FRY: variants seen among roughly 807,000 people sequenced by gnomAD.
FRY encodes the protein FRY microtubule binding protein, also known as protein furry homolog.
In FRY, 128 loss-of-function variants were observed where a neutral mutation model predicts 348.4. The ratio of observed to expected loss-of-function variants is 0.37; its 90% CI spans 0.32 to 0.43. The LOEUF is 0.43. Among genes scored for constraint, FRY ranks in the 20% least tolerant of loss-of-function variants. FRY has a pLI of 1.00. For missense variants in FRY, 2,736 were observed against 3,695.2 expected (o/e 0.74, Z 6.73); for synonymous variants, 1,370 against 1,374.7 (o/e 1.00, Z 0.08).
In FRY at chr13:32,226,051, C is replaced by T; in HGVS notation, c.5206+77C>T. ...AACTAACTGCGGGTGCCAGTGGAGC[C>T]CAAGTTAACTTCTCTCATGCTATGA... On this transcript the variant is annotated intron_variant, in intron 39 of 60. Coordinates refer to ENST00000542859, the MANE Select transcript of FRY (RefSeq NM_023037.3). The T allele has an allele frequency of 4.7e-6, 6 of 1,264,414 alleles. No individual in the cohort carries two copies. The South Asian group carries it at 4.9e-5, about 10-fold the overall frequency. The allele number at this position is 1,264,414 out of a possible 1,614,324, so 78.3% of individuals were successfully genotyped here. A position where few individuals can be genotyped will look rare whatever the true frequency, so the allele number is the denominator to read the frequency against.
intron 52 of FRY, 121 bp from the exon 53 acceptor site, chr13:32,262,193 A>G (rs576497346): frequency 5.1e-6 from 4 of 780,514 alleles, no homozygotes; most frequent in South Asian, 2.9e-5. Flanking sequence ...TTAAGGCCCA[A>G]TAATGGTGAA....
At chr13:32,217,087 T>C (rs956005798) in intron 35 of FRY, among the ~76,000 whole-genome samples, 1 of 152,284 alleles carries the variant, frequency 6.6e-6, no homozygotes. Flanking sequence ...TCTCCACACA[T>C]TAGTAAGGAC....
At chr13:32,261,001 C>T (rs960522563) in intron 51 of FRY, among the ~76,000 whole-genome samples, 1 of 152,198 alleles carries the variant, frequency 6.6e-6, no homozygotes, top group African/African-American at 2.4e-5. Context: ...GAGCCTAAAG[C>T]AAAAGTTAAG....
chr13:32,052,757 C>T (rs1873403229), intron 1 of FRY, among the ~76,000 whole-genome samples: 3 of 152,128 alleles, frequency 2.0e-5, no homozygotes, highest in African/African-American at 4.8e-5. Context: ...TAAAACATTT[C>T]CAATAACTGA....
chr13:32,228,424 T>C, intron 39 of FRY, 32 bp from the exon 40 acceptor site: 1 of 1,528,456 alleles, frequency 6.5e-7, no homozygotes, highest in East Asian at 2.2e-5. Flanking sequence ...CACTGCCTAG[T>C]ACATCCCTCC....
chr13:32,226,067 C>A, intron 39 of FRY, 93 bp downstream of exon 39: 1 of 1,028,182 alleles, frequency 9.7e-7, no homozygotes, highest in Non-Finnish European at 1.5e-6. Context: ...TAACTTCTCT[C>A]ATGCTATGAC....
chr13:32,169,434 C>T (rs2138205775), intron 17 of FRY, among the ~76,000 whole-genome samples: 1 of 152,310 alleles, frequency 6.6e-6, no homozygotes, highest in East Asian at 1.9e-4. Context: ...ACCCTCACGA[C>T]AGGTTTATGG....
Position 32,209,604 on chromosome 13 carries a change from G to A in FRY, c.4295G>A (p.Gly1432Glu). The A allele has an allele frequency of 6.2e-7, 1 of 1,614,004 alleles. No homozygotes were observed. Among genetic ancestry groups the A allele is most frequent in the East Asian group, 2.2e-5 (1 of 44,874 alleles). Residue 1432 changes from glycine (G) to glutamate (E), a missense_variant, in exon 33 of 61, where the codon GGG becomes GAG. Physicochemically the swap from Gly to Glu is moderately conservative, Grantham distance 98. Coordinates refer to ENST00000542859, the MANE Select transcript of FRY (RefSeq NM_023037.3). Reference protein sequence around the residue: ...MTAKYGDEVPGPEMENAWNAL... With the variant: ...MTAKYGDEVPEPEMENAWNAL... ...TTATAGTATGGAGATGAAGTTCCTG[G>A]GCCAGAAATGGAAAATGCTTGGAAT...
intron 28 of FRY, among the ~76,000 whole-genome samples, chr13:32,191,108 A>AC: frequency 6.6e-6 from 1 of 152,218 alleles, no homozygotes; most frequent in East Asian, 1.9e-4. Context: ...GGATAGCCTT[A>AC]CTAAAGGAAA....
chr13:32,251,845 C>T, intron 49 of FRY, 33 bp from the exon 50 acceptor site: 1 of 1,454,368 alleles, frequency 6.9e-7, no homozygotes, highest in Non-Finnish European at 9.7e-7. Flanking sequence ...CACAGGAACC[C>T]ATAATGAAAC....
intron 33 of FRY, 48 bp from the exon 34 acceptor site, chr13:32,210,818 T>C: frequency 1.3e-6 from 2 of 1,502,918 alleles, no homozygotes; most frequent in Non-Finnish European, 1.8e-6. Flanking sequence ...AGTGTTCCTG[T>C]GGACTAGGCT....
At chr13:32,291,046 G>A (rs1889323050) in intron 59 of FRY, among the ~76,000 whole-genome samples, 1 of 152,048 alleles carries the variant, frequency 6.6e-6, no homozygotes, top group Non-Finnish European at 1.5e-5. Flanking sequence ...TAGACGTGAG[G>A]TCAGGGGAGA....
intron 18 of FRY, 77 bp downstream of exon 18, chr13:32,171,347 T>C (rs903713951): frequency 3.7e-6 from 5 of 1,356,508 alleles, no homozygotes; most frequent in African/African-American, 3.0e-5. Flanking sequence ...AGTCTTACTC[T>C]GTTGCCCAGG....
chr13:32,290,259 A>G (rs1374011103), intron 59 of FRY, among the ~76,000 whole-genome samples: 1 of 152,178 alleles, frequency 6.6e-6, no homozygotes, highest in East Asian at 1.9e-4. Context: ...GTGAGCCAAA[A>G]TTTTTCTACA....
chr13:32,292,790 CAATA>C (rs111702874), intron 59 of FRY, among the ~76,000 whole-genome samples: 2,881 of 141,094 alleles, frequency 0.02, 38 homozygotes, highest in African/African-American at 0.042. Context: ...GACTCCATCT[CAATA>C]AATAAATAAA....
rs566247556 is a variant in FRY at position 32,249,815 on chromosome 13, A to G, written c.7170+128A>G. ...CATATAGGTCTCAGCACTTCCAGGGATGGGGTCTTGTGGCATTCCAAGGAA... is the reference window on the plus strand; with the variant it reads ...CATATAGGTCTCAGCACTTCCAGGGGTGGGGTCTTGTGGCATTCCAAGGAA... On this transcript the variant is annotated intron_variant, in intron 49 of 60. Transcript: ENST00000542859. 7 of 789,756 alleles carry G rather than the reference A, an allele frequency of 8.9e-6. No individual in the cohort carries two copies. In the East Asian group the frequency reaches 1.3e-4, roughly 15 times the overall value. The allele number at this position is 789,756 out of a possible 1,614,324, so 48.9% of individuals were successfully genotyped here.
intron 24 of FRY, among the ~76,000 whole-genome samples, 175 bp downstream of exon 24, chr13:32,183,209 TA>T (rs1882812365): frequency 6.6e-6 from 1 of 152,272 alleles, no homozygotes; most frequent in South Asian, 2.1e-4. Flanking sequence ...TTATTTAGTA[TA>T]AAATGGTTCT....
At chr13:32,273,412 CGG>C (rs1384748669) in intron 55 of FRY, among the ~76,000 whole-genome samples, 1 of 151,872 alleles carries the variant, frequency 6.6e-6, no homozygotes, top group African/African-American at 2.4e-5. Context: ...TTAGTAGAGA[CGG>C]GGTTTCACCG....
intron 17 of FRY, among the ~76,000 whole-genome samples, chr13:32,170,482 T>C (rs1881996152): frequency 6.6e-6 from 1 of 152,188 alleles, no homozygotes; most frequent in Non-Finnish European, 1.5e-5. Flanking sequence ...CGGAAAACTC[T>C]GTATTATCTT....
Sources: allele counts gnomAD v4.1 joint callset (sites outside exome capture counted in the v4.1 genomes callset), GRCh38; gene constraint gnomAD v4.1.1; transcripts MANE v1.5; gene names NCBI Gene and HGNC (gene_info 2026-07-23, HGNC 2026-07-21).